PSG7: variants seen among roughly 807,000 people sequenced by gnomAD.
PSG7 encodes the protein pregnancy specific beta-1-glycoprotein 7.
In PSG7, 57 loss-of-function variants were observed where a neutral mutation model predicts 45.6. The observed-to-expected ratio is 1.25, with a 90% CI of 1.01 to 1.56. The LOEUF (loss-of-function observed/expected upper bound fraction) is 1.56. Among genes scored for constraint, PSG7 ranks in the 40% most tolerant of loss-of-function variants. PSG7 has a pLI of 0.00. For synonymous variants in PSG7, 298 were observed against 194.4 expected (o/e 1.53, Z -4.43); for missense variants, 796 against 508.4 (o/e 1.57, Z -5.44).
chr19:42,935,815 G>C, intron 1 of PSG7, 46 bp from the exon 2 acceptor site: 2 of 1,558,242 alleles, frequency 1.3e-6, no homozygotes, highest in African/African-American at 1.4e-5. Context: ...CCTATGTGTT[G>C]GGTTGAAAAG....
chr19:42,935,551 A>T lies in PSG7; in HGVS notation c.283T>A (p.Tyr95Asn), dbSNP rs1373009423. Residue 95 changes from tyrosine (Y) to asparagine (N), a missense_variant, in exon 2 of 6, where the codon TAC (tyrosine) becomes AAC (asparagine). Tyr to Asn is a moderately radical substitution (Grantham distance 143). Transcript: ENST00000406070. ...DGQIIKYGPA[Y>N]SGRETVYSNA... ...GAATATACTGTTTCTCGTCCACTGT[A>T]TGCAGGCCCATATTTAATTATTTGA... 2.5e-6 allele frequency: 4 copies of T among 1,612,018 alleles called. No individual in the cohort carries two copies. The highest frequency in any genetic ancestry group is 3.4e-6 in the Non-Finnish European group (4 of 1,179,074).
chr19:42,927,571 T>G (rs559699078), intron 3 of PSG7: 61 of 151,782 alleles, frequency 4.0e-4, no homozygotes, highest in African/African-American at 1.5e-3. Flanking sequence ...GGGAATGAAC[T>G]GCTGGAAATC....
intron 4 of PSG7, 191 bp downstream of exon 4, chr19:42,926,247 T>G (rs1972885134): frequency 1.4e-6 from 2 of 1,395,528 alleles, no homozygotes; most frequent in African/African-American, 2.9e-5. Flanking sequence ...TCCACTCCCC[T>G]TATATTCTTG....
At chr19:42,935,913 CAA>C (rs57083429) in intron 1 of PSG7, 144 bp from the exon 2 acceptor site, 86 of 1,083,924 alleles carry the variant, frequency 7.9e-5, no homozygotes, top group Non-Finnish European at 8.8e-5. Flanking sequence ...CACACACACA[CAA>C]ACACACACAC....
chr19:42,928,715 A>T (rs1051951989), intron 3 of PSG7, among the ~76,000 whole-genome samples: 10 of 151,310 alleles, frequency 6.6e-5, no homozygotes. Flanking sequence ...TGCAGAGGGC[A>T]GGTGGCTCTT....
At chr19:42,930,476 T>C (rs1972996605) in intron 2 of PSG7, among the ~76,000 whole-genome samples, 2 of 151,680 alleles carry the variant, frequency 1.3e-5, no homozygotes, top group South Asian at 4.2e-4. Flanking sequence ...CTTTCCCCTG[T>C]AGAGGGCAGG....
At chr19:42,926,833 A>G in intron 3 of PSG7, 117 bp from the exon 4 acceptor site, 15 of 1,504,346 alleles carry the variant, frequency 1.0e-5, no homozygotes, top group Non-Finnish European at 1.3e-5. Context: ...CTTGAAAGCC[A>G]ATAGCTGGTG....
At chr19:42,935,905 CA>C (rs1973142637) in intron 1 of PSG7, 136 bp from the exon 2 acceptor site, 1 of 1,219,734 alleles carries the variant, frequency 8.2e-7, no homozygotes, top group Non-Finnish European at 1.1e-6. Context: ...CACACACACA[CA>C]CACACACAAA....
chr19:42,929,684 A>T lies in PSG7; in HGVS notation c.467T>A (p.Phe156Tyr), dbSNP rs1488414382. 1 of 1,612,360 alleles carries T rather than the reference A, an allele frequency of 6.2e-7. No homozygotes were observed. The change falls in exon 3 of 6, where the codon TTC becomes TAC. Residue 156 changes from phenylalanine (F) to tyrosine (Y), a missense_variant. Phe to Tyr is a conservative substitution (Grantham distance 22, BLOSUM62 3). Transcript: ENST00000406070. ...AGCCTCCGTGGCCTCCCTGGGGTTGAAATTGCTGCTGGAGATGGAGGGTTT... is the reference window on the plus strand; with the variant it reads ...AGCCTCCGTGGCCTCCCTGGGGTTGTAATTGCTGCTGGAGATGGAGGGTTT... ...TPKPSISSSN[F>Y]NPREATEAVI...
At chr19:42,927,067 A>G in intron 3 of PSG7, 1 of 347,710 alleles carries the variant, frequency 2.9e-6, no homozygotes, top group Non-Finnish European at 5.2e-6. Flanking sequence ...GGAATGTGCA[A>G]CTGCTGGGCC....
intron 2 of PSG7, among the ~76,000 whole-genome samples, 179 bp from the exon 3 acceptor site, chr19:42,929,899 G>T (rs1972983001): frequency 6.6e-6 from 1 of 151,500 alleles, no homozygotes; most frequent in African/African-American, 2.4e-5. Context: ...AGATTGTGAG[G>T]CTGCCTGCTT....
chr19:42,935,694 T>C lies in PSG7; in HGVS notation c.140A>G (p.Glu47Gly), dbSNP rs1250594088. The change falls in exon 2 of 6, where the codon GAG (glutamate) becomes GGG (glycine). Residue 47 changes from glutamate to glycine, a missense_variant. Coordinates refer to ENST00000406070, the MANE Select transcript of PSG7 (RefSeq NM_002783.3). ...TIEAQPPKVS[E>G]GKDVLLLVHN... ...GACAAGTAGAAGAACATCCTTCCCC[T>C]CGGAAACTTTTGGTGGCTGGGCTTC... 6.2e-7 allele frequency: 1 copy of C among 1,611,964 alleles called. No homozygotes were observed. Among genetic ancestry groups the C allele is most frequent in the Non-Finnish European group, 8.5e-7 (1 of 1,179,062 alleles).
In PSG7 at chr19:42,928,826, C is replaced by G. The variant is rs1015931333; in HGVS notation, c.709+616G>C. Among the ~76,000 whole-genome samples the G allele has an allele frequency of 7.3e-5, 11 of 151,408 alleles. 1 individual carries two copies. The highest frequency in any genetic ancestry group is 2.4e-4 in the African/African-American group (10 of 41,116). ...CCTCTTGATTATGAGATTTGTTCCA[C>G]CAGTGGCTGAGTTATGGATGAAAGA... On this transcript the variant is annotated intron_variant, in intron 3 of 5. Coordinates refer to ENST00000406070, the MANE Select transcript of PSG7 (RefSeq NM_002783.3).
rs932035078 is a variant in PSG7 at position 42,924,521 on chromosome 19, G to A, written c.*287C>T. 5.1e-6 allele frequency: 3 copies of A among 586,328 alleles called. No homozygotes were observed. The African/African-American group carries it at 5.6e-5, about 11-fold the overall frequency. 36.3% of individuals were successfully genotyped at this position (586,328 alleles called of 1,614,324 possible). ...CAGGCACAAGCAAGGACAGCTAAGA[G>A]GGGTGAGAGCCTCATCATGATGGGG... On this transcript the variant is annotated 3_prime_UTR_variant, in exon 6 of 6. Coordinates refer to ENST00000406070, the MANE Select transcript of PSG7 (RefSeq NM_002783.3).
At chr19:42,935,901 C>G in intron 1 of PSG7, 132 bp from the exon 2 acceptor site, 3 of 1,263,248 alleles carry the variant, frequency 2.4e-6, no homozygotes, top group South Asian at 3.0e-5. Context: ...CACACACACA[C>G]ACACACACAC....
At chr19:42,932,801 A>G (rs531200375) in intron 2 of PSG7, among the ~76,000 whole-genome samples, 1 of 151,724 alleles carries the variant, frequency 6.6e-6, no homozygotes, top group African/African-American at 2.4e-5. Flanking sequence ...GATTTAGATT[A>G]TAAGAGGGAA....
At chr19:42,925,217 C>T (rs1356064130) in intron 5 of PSG7, 1 of 310,738 alleles carries the variant, frequency 3.2e-6, no homozygotes, top group African/African-American at 2.2e-5. Flanking sequence ...CCAGTCAAAG[C>T]CTTGGTAATA....
Position 42,930,436 on chromosome 19 carries a change from A to G in PSG7, c.431-716T>C, listed in dbSNP as rs1568457872. On this transcript the variant is annotated intron_variant, in intron 2 of 5. Transcript: ENST00000406070. ...GAGCTGATAGGTTTGGCCCAAGACCATGTTCCCTGTTCTGGGTCCATGATG... is the reference window on the plus strand; with the variant it reads ...GAGCTGATAGGTTTGGCCCAAGACCGTGTTCCCTGTTCTGGGTCCATGATG... Among the ~76,000 whole-genome samples, 6 of 151,672 alleles carry G rather than the reference A, an allele frequency of 4.0e-5. No individual in the cohort carries two copies. In the South Asian group the frequency reaches 1.0e-3, roughly 27 times the overall value.
At position 42,929,438 on chromosome 19, in the gene PSG7, T is replaced by G. The variant is rs1421521710; in HGVS notation, c.709+4A>C. On this transcript the variant is annotated splice_donor_region_variant and intron_variant, in intron 3 of 5. Transcript: ENST00000406070. ...TGGCTAACAGAGGAACAGAAGATAC[T>G]CACGGAGGAGATTCAGGGTGACTGG... 1 of 1,612,178 alleles carries G rather than the reference T, an allele frequency of 6.2e-7. No individual in the cohort carries two copies. Among genetic ancestry groups the G allele is most frequent in the Non-Finnish European group, 8.5e-7 (1 of 1,178,980 alleles).
Sources: gnomAD v4.1 joint callset for allele counts (sites outside exome capture counted in the v4.1 genomes callset) on GRCh38, gnomAD v4.1.1 for gene constraint, MANE v1.5 for transcripts, NCBI Gene and HGNC (gene_info 2026-07-23, HGNC 2026-07-21) for gene names.